Variants in ANKRD17 observed in about 807,000 individuals in gnomAD.
ANKRD17 encodes the protein ankyrin repeat domain-containing protein 17.
ANKRD17 carries 19 observed loss-of-function variants against 229.7 expected under a neutral mutation model. That is an observed-to-expected ratio of 0.08 (90% CI 0.06 to 0.12). The LOEUF is 0.12. Ranked by LOEUF, ANKRD17 falls within the 10% of genes least tolerant of loss-of-function variation. The probability of loss-of-function intolerance (pLI) is 1.00; values close to 1 mark genes in which losing one functional copy is unlikely to be tolerated. For missense variants in ANKRD17, 2,176 were observed against 3,176.8 expected (o/e 0.68, Z 7.57); for synonymous variants, 1,112 against 1,146.1 (o/e 0.97, Z 0.60).
At chr4:73,179,659 T>A in intron 1 of ANKRD17, among the ~76,000 whole-genome samples, 1 of 151,048 alleles carries the variant, frequency 6.6e-6, no homozygotes, top group East Asian at 1.9e-4. Flanking sequence ...CCTGGCTGAT[T>A]TTTTATTTTT....
chr4:73,198,441 G>C (rs145970984), intron 1 of ANKRD17, among the ~76,000 whole-genome samples: 55 of 152,164 alleles, frequency 3.6e-4, no homozygotes, highest in Admixed American at 3.4e-3. Flanking sequence ...TATAAGGATA[G>C]GTCTACTTGA....
chr4:73,139,909 G>C lies in ANKRD17; in HGVS notation c.2707C>G (p.Gln903Glu). 1 of 1,614,220 alleles carries C rather than the reference G, an allele frequency of 6.2e-7. No individual in the cohort carries two copies. The highest frequency in any genetic ancestry group is 1.1e-5 in the South Asian group (1 of 91,082). ...AATCCCAGGTGTTGGCAAGACTGTT[G>C]CTGCTGTTGCTGAAGTTGAATTCTT... ...AQRIQLQQQQ[Q>E]QSCQHLGLLT... The change falls in exon 15 of 34, where the codon CAA becomes GAA. Residue 903 changes from glutamine (Q) to glutamate (E), a missense_variant. By Grantham distance (29) the Gln-to-Glu change is conservative (BLOSUM62 2). Coordinates refer to ENST00000358602, the MANE Select transcript of ANKRD17 (RefSeq NM_032217.5).
chr4:73,094,291 A>T, intron 27 of ANKRD17, 63 bp from the exon 28 acceptor site: 2 of 1,410,464 alleles, frequency 1.4e-6, no homozygotes, highest in Non-Finnish European at 2.0e-6. Flanking sequence ...GTAATTTTTA[A>T]AAGAGGAAAG....
In ANKRD17 at chr4:73,142,688, C is replaced by A; in HGVS notation, c.2037G>T (p.Val679=). The stretch of plus-strand genomic sequence containing the variant: ...CCCCATGAGCCAAAAGTAGTTCCAC[C>A]ACTGCCAGATGACCCCCTGCACAAG... ...SLACAGGHLA[V]VELLLAHGAD... The change falls in exon 12 of 34, where the codon GTG becomes GTT. Residue 679 remains valine (V), a synonymous_variant. Transcript: ENST00000358602. 6.2e-7 allele frequency: 1 copy of A among 1,614,036 alleles called. No homozygotes were observed. The highest frequency in any genetic ancestry group is 2.2e-5 in the East Asian group (1 of 44,882).
intron 18 of ANKRD17, among the ~76,000 whole-genome samples, chr4:73,123,901 A>G (rs1043297330): frequency 3.3e-5 from 5 of 152,022 alleles, no homozygotes; most frequent in African/African-American, 1.2e-4. Flanking sequence ...TTTAAGAAGG[A>G]TACTGACATA....
Position 73,146,821 on chromosome 4 carries a change from G to A in ANKRD17, c.1812C>T (p.Ala604=), listed in dbSNP as rs1208648321. The A allele has an allele frequency of 6.2e-7, 1 of 1,612,992 alleles. No individual in the cohort carries two copies. The highest frequency in any genetic ancestry group is 2.2e-5 in the East Asian group (1 of 44,842). ...CTACATCAGTATGACCATTTTCACAGGCATATGTTAGTGCTGTATCCCCTG... is the reference window on the plus strand; with the variant it reads ...CTACATCAGTATGACCATTTTCACAAGCATATGTTAGTGCTGTATCCCCTG... ...TATGDTALTY[A]CENGHTDVAD... Residue 604 remains alanine (A), a synonymous_variant, in exon 10 of 34, where the codon GCC becomes GCT. Transcript: ENST00000358602.
At chr4:73,094,302 A>C in intron 27 of ANKRD17, 74 bp from the exon 28 acceptor site, 1 of 1,331,820 alleles carries the variant, frequency 7.5e-7, no homozygotes, top group Non-Finnish European at 1.0e-6. Context: ...AAGAGGAAAG[A>C]GTATTACTAA....
intron 25 of ANKRD17, among the ~76,000 whole-genome samples, chr4:73,099,854 G>A (rs1028123613): frequency 6.6e-6 from 1 of 152,152 alleles, no homozygotes; most frequent in Non-Finnish European, 1.5e-5. Flanking sequence ...TGGGATCTGA[G>A]TACACATTGC....
Position 73,142,785 on chromosome 4 carries a change from T to C in ANKRD17, c.1958-18A>G, listed in dbSNP as rs1390857559. 7 of 1,592,570 alleles carry C rather than the reference T, an allele frequency of 4.4e-6. No individual in the cohort carries two copies. Among genetic ancestry groups the C allele is most frequent in the African/African-American group, 4.1e-5 (3 of 74,020 alleles). On this transcript the variant is annotated intron_variant, in intron 11 of 33. Transcript: ENST00000358602. Reference sequence around the variant, plus strand: ...ATTCGCTCCTAAAACAGAAAAGGCATGGAAAATCATATTAGTAGAATGGTT... The same window carrying C: ...ATTCGCTCCTAAAACAGAAAAGGCACGGAAAATCATATTAGTAGAATGGTT...
intron 2 of ANKRD17, among the ~76,000 whole-genome samples, chr4:73,170,054 T>C: frequency 6.6e-6 from 1 of 152,090 alleles, no homozygotes; most frequent in Admixed American, 6.5e-5. Context: ...TTGGAGTCAC[T>C]GGACTGGGGA....
intron 24 of ANKRD17, among the ~76,000 whole-genome samples, chr4:73,111,419 G>T (rs1364401016): frequency 1.3e-5 from 2 of 152,126 alleles, no homozygotes; most frequent in African/African-American, 4.8e-5. Flanking sequence ...GGACAGAAAA[G>T]GACGGCGCAA....
At chr4:73,118,576 G>T in intron 22 of ANKRD17, 112 bp downstream of exon 22, 1 of 1,163,648 alleles carries the variant, frequency 8.6e-7, no homozygotes, top group Non-Finnish European at 1.2e-6. Flanking sequence ...GCATATTATT[G>T]CTTTCATCAC....
At chr4:73,147,154 T>A in intron 9 of ANKRD17, 87 bp downstream of exon 9, 1 of 1,262,956 alleles carries the variant, frequency 7.9e-7, no homozygotes, top group Middle Eastern at 2.0e-4. Context: ...ATTCAGTGTA[T>A]CATAGCATCA....
chr4:73,252,675 G>T (rs1224658615), intron 1 of ANKRD17, among the ~76,000 whole-genome samples: 2 of 151,516 alleles, frequency 1.3e-5, no homozygotes, highest in African/African-American at 4.9e-5. Context: ...CTATTTAAAA[G>T]AAACATTTTT....
chr4:73,155,991 A>G (rs1731613261), intron 4 of ANKRD17, 28 bp downstream of exon 4: 2 of 1,546,866 alleles, frequency 1.3e-6, no homozygotes, highest in Non-Finnish European at 1.7e-6. Flanking sequence ...AAAAAACAAC[A>G]AATAAGCTTT....
chr4:73,170,868 T>C (rs776344412), intron 2 of ANKRD17, among the ~76,000 whole-genome samples: 1 of 152,034 alleles, frequency 6.6e-6, no homozygotes, highest in Non-Finnish European at 1.5e-5. Flanking sequence ...AGACCCTCAT[T>C]AGATAGATTT....
intron 27 of ANKRD17, among the ~76,000 whole-genome samples, chr4:73,095,138 C>T (rs1328510709): frequency 6.6e-6 from 1 of 151,948 alleles, no homozygotes; most frequent in African/African-American, 2.4e-5. Context: ...TGCACCACTG[C>T]ACTCCAGCCT....
chr4:73,141,867 C>G, intron 13 of ANKRD17, 24 bp from the exon 14 acceptor site: 1 of 1,567,564 alleles, frequency 6.4e-7, no homozygotes, highest in Non-Finnish European at 8.8e-7. Flanking sequence ...CACTAAGTGA[C>G]TATTAGTGTC....
At position 73,090,880 on chromosome 4, in the gene ANKRD17, G is replaced by A; in HGVS notation, c.6748C>T (p.Pro2250Ser). 1 of 1,614,238 alleles carries A rather than the reference G, an allele frequency of 6.2e-7. No homozygotes were observed. Among genetic ancestry groups the A allele is most frequent in the East Asian group, 2.2e-5 (1 of 44,888 alleles). Residue 2250 changes from proline (P) to serine (S), a missense_variant, in exon 29 of 34, where the codon CCA becomes TCA. By Grantham distance (74) the Pro-to-Ser change is moderately conservative. Around this residue, in one of 18 missense-constraint regions of ANKRD17, gnomAD observed 424 missense variants for 454.0 expected, o/e 0.93. Coordinates refer to ENST00000358602, the MANE Select transcript of ANKRD17 (RefSeq NM_032217.5). ...AACAATGTGCTAAAGGGCCCAAATG[G>A]TAAGGGGGCACTGAAATTGGGAGCA... is the stretch of plus-strand genomic sequence containing the variant. ...PIAPNFSAPL[P>S]FGPFSTLFEN...
Sources: allele counts gnomAD v4.1 joint callset (sites outside exome capture counted in the v4.1 genomes callset), GRCh38; gene constraint gnomAD v4.1.1; regional missense constraint gnomAD v4.1.1; transcripts MANE v1.5; gene names NCBI Gene and HGNC (gene_info 2026-07-23, HGNC 2026-07-21).